ESRRG: variants seen among roughly 807,000 people sequenced by gnomAD.
ESRRG encodes the protein estrogen related receptor gamma.
ESRRG carries 13 observed loss-of-function variants against 44.0 expected under a neutral mutation model. That is an observed-to-expected ratio of 0.30 (90% CI 0.19 to 0.47). The LOEUF (loss-of-function observed/expected upper bound fraction) is 0.47. Among genes scored for constraint, ESRRG ranks in the 20% least tolerant of loss-of-function variants. The pLI is 1.00. For synonymous variants in ESRRG, 215 were observed against 214.6 expected, an observed-to-expected ratio of 1.00 and a Z score of -0.02; for missense variants, 395 against 580.6, an observed-to-expected ratio of 0.68 and a Z score of 3.29.
chr1:216,762,140 G>A (rs1299790748), intron 2 of ESRRG, among the ~76,000 whole-genome samples: 3 of 152,080 alleles, frequency 2.0e-5, no homozygotes, highest in Non-Finnish European at 4.4e-5. Context: ...AGGCTCTGGA[G>A]CTATTAAGAA....
chr1:216,609,653 C>T (rs903113349), intron 3 of ESRRG, among the ~76,000 whole-genome samples: 1 of 152,176 alleles, frequency 6.6e-6, no homozygotes, highest in Non-Finnish European at 1.5e-5. Flanking sequence ...CTGTGATTCA[C>T]TAAATAATCT....
At chr1:216,863,259 A>G (rs2096084553) in intron 2 of ESRRG, 1 of 151,464 alleles carries the variant, frequency 6.6e-6, no homozygotes, top group African/African-American at 2.4e-5. Flanking sequence ...TCACTGATAT[A>G]TATGAGAATA....
chr1:216,663,124 T>C (rs187367552), intron 2 of ESRRG, among the ~76,000 whole-genome samples: 75 of 152,342 alleles, frequency 4.9e-4, no homozygotes, highest in African/African-American at 1.7e-3. Context: ...TGGAAAACTT[T>C]TACTTTAAGT....
chr1:216,988,553 C>A (rs764371252), intron 1 of ESRRG, among the ~76,000 whole-genome samples: 14 of 152,144 alleles, frequency 9.2e-5, no homozygotes, highest in Non-Finnish European at 1.5e-4. Context: ...TAATTTCTGT[C>A]CTTCTGTTTG....
intron 1 of ESRRG, among the ~76,000 whole-genome samples, chr1:217,069,285 A>G (rs1205073878): frequency 6.6e-6 from 1 of 152,068 alleles, no homozygotes; most frequent in Non-Finnish European, 1.5e-5. Flanking sequence ...CAATTTTGGG[A>G]CTGGAACTGG....
intron 1 of ESRRG, among the ~76,000 whole-genome samples, chr1:217,047,328 C>G (rs1384654605): frequency 1.3e-5 from 2 of 152,114 alleles, no homozygotes. Flanking sequence ...CAAAACTGGG[C>G]TAATCCTCCC....
chr1:216,705,302 C>G (rs968926766), intron 1 of ESRRG, among the ~76,000 whole-genome samples: 6 of 150,712 alleles, frequency 4.0e-5, no homozygotes, highest in African/African-American at 1.2e-4. Flanking sequence ...GCCACATAAA[C>G]GAATATAATT....
intron 1 of ESRRG, among the ~76,000 whole-genome samples, chr1:216,954,424 G>C (rs921565559): frequency 3.3e-5 from 5 of 152,028 alleles, no homozygotes; most frequent in African/African-American, 4.8e-5. Context: ...CTATATCCTG[G>C]AAATTCCATC....
At chr1:216,904,529 C>A (rs2059475110) in intron 2 of ESRRG, among the ~76,000 whole-genome samples, 1 of 152,134 alleles carries the variant, frequency 6.6e-6, no homozygotes, top group African/African-American at 2.4e-5. Context: ...TTTTTCCCCC[C>A]TTCTTATCTC....
chr1:217,062,610 A>T (rs986370022), intron 1 of ESRRG, among the ~76,000 whole-genome samples: 7 of 152,190 alleles, frequency 4.6e-5, no homozygotes, highest in Non-Finnish European at 1.0e-4. Context: ...TGGCAGAGAA[A>T]AATCTGTTCT....
At chr1:216,838,604 C>G (rs546177214) in intron 2 of ESRRG, among the ~76,000 whole-genome samples, 1 of 151,932 alleles carries the variant, frequency 6.6e-6, no homozygotes, top group Non-Finnish European at 1.5e-5. Context: ...GTAAATTTAC[C>G]TTAAATAACA....
chr1:217,132,482 T>C lies in ESRRG; in HGVS notation c.-230+5185A>G, dbSNP rs183702549. On this transcript the variant is annotated intron_variant, in intron 1 of 8. Coordinates refer to the ESRRG transcript ENST00000366940. ...AATTTCAAGGCTCATAAAGTTATCTTGGTCTGGGATGGTTCAAGCTGATTA... is the reference window on the plus strand; with the variant it reads ...AATTTCAAGGCTCATAAAGTTATCTCGGTCTGGGATGGTTCAAGCTGATTA... Among the ~76,000 whole-genome samples, 314 of 152,280 alleles carry C rather than the reference T, an allele frequency of 2.1e-3. 5 individuals carry two copies. Among genetic ancestry groups the C allele is most frequent in the Admixed American group, 0.019 (294 of 15,292 alleles).
intron 1 of ESRRG, among the ~76,000 whole-genome samples, chr1:216,690,343 A>G (rs1195980402): frequency 6.6e-6 from 1 of 152,094 alleles, no homozygotes; most frequent in Non-Finnish European, 1.5e-5. Context: ...TGATAAATGC[A>G]ATGACATGGC....
intron 2 of ESRRG, among the ~76,000 whole-genome samples, chr1:216,848,225 T>A (rs558534744): frequency 6.6e-6 from 1 of 152,110 alleles, no homozygotes; most frequent in African/African-American, 2.4e-5. Context: ...CACTTGCCCA[T>A]CTCCTCTGTC....
At position 216,588,256 on chromosome 1, in the gene ESRRG, C is replaced by A. The variant is rs184681787; in HGVS notation, c.590-20158G>T. ...TGAAATTGGTACTATTTGAGTTTAG[C>A]AAACTTACAAATTATATTGCTATTA... is the stretch of plus-strand genomic sequence containing the variant. On this transcript the variant is annotated intron_variant, in intron 3 of 6. Transcript: ENST00000408911. 1.3e-4 allele frequency among the ~76,000 whole-genome samples: 20 copies of A among 152,226 alleles called. No individual in the cohort carries two copies. In the East Asian group the frequency reaches 3.5e-3, roughly 26 times the overall value.
intron 6 of ESRRG, among the ~76,000 whole-genome samples, chr1:216,514,959 TACACACACAC>T (rs35668576): frequency 1.3e-5 from 2 of 149,158 alleles, no homozygotes; most frequent in South Asian, 2.1e-4. Flanking sequence ...TTTTACTTTA[TACACACACAC>T]ACACACACAC....
At chr1:216,917,761 A>G (rs2061368301) in intron 2 of ESRRG, among the ~76,000 whole-genome samples, 1 of 152,224 alleles carries the variant, frequency 6.6e-6, no homozygotes, top group Non-Finnish European at 1.5e-5. Flanking sequence ...ACTGTCTCCA[A>G]CCACTCACTT....
intron 5 of ESRRG, among the ~76,000 whole-genome samples, chr1:216,561,818 A>C (rs959598334): frequency 6.6e-6 from 1 of 152,190 alleles, no homozygotes; most frequent in African/African-American, 2.4e-5. Flanking sequence ...CAGAGCTGTG[A>C]ATCACTACTC....
At chr1:217,071,210 A>G (rs939074263) in intron 1 of ESRRG, among the ~76,000 whole-genome samples, 1 of 152,230 alleles carries the variant, frequency 6.6e-6, no homozygotes, top group African/African-American at 2.4e-5. Flanking sequence ...TGAATACCCT[A>G]GAATAAATGC....
Sources: gnomAD v4.1 joint callset for allele counts (sites outside exome capture counted in the v4.1 genomes callset) on GRCh38, gnomAD v4.1.1 for gene constraint, MANE v1.5 for transcripts, NCBI Gene and HGNC (gene_info 2026-07-23, HGNC 2026-07-21) for gene names.